The following PDPR variants were observed in gnomAD, a reference collection of about 807,000 sequenced individuals.
The protein encoded by PDPR is pyruvate dehydrogenase phosphatase regulatory subunit, also known as pyruvate dehydrogenase phosphatase regulatory subunit, mitochondrial.
PDPR carries 50 observed loss-of-function variants against 102.2 expected under a neutral mutation model. The observed-to-expected ratio is 0.49, with a 90% confidence interval of 0.39 to 0.62. The LOEUF (loss-of-function observed/expected upper bound fraction) is 0.62. Among genes scored for constraint, PDPR ranks in the 20% least tolerant of loss-of-function variants. PDPR has a pLI of 0.00. For missense variants in PDPR, 625 were observed against 1,098.2 expected (o/e 0.57, Z 6.09); for synonymous variants, 259 against 406.0 (o/e 0.64, Z 4.35).
At chr16:70,117,167 T>TTA (rs949879353) in intron 2 of PDPR, among the ~76,000 whole-genome samples, 1 of 145,690 alleles carries the variant, frequency 6.9e-6, no homozygotes. Flanking sequence ...ATTAAATTAG[T>TTA]TATATATATA....
At chr16:70,134,083 G>C (rs1421693017) in intron 9 of PDPR, among the ~76,000 whole-genome samples, 1 of 152,248 alleles carries the variant, frequency 6.6e-6, no homozygotes, top group East Asian at 1.9e-4. Flanking sequence ...TTAGGTTTTA[G>C]GAGGAGACTT....
intron 3 of PDPR, 76 bp from the exon 4 acceptor site, chr16:70,127,184 A>G (rs1235677579): frequency 5.8e-6 from 9 of 1,549,324 alleles, no homozygotes; most frequent in Non-Finnish European, 7.8e-6. Context: ...TAGAAACAGT[A>G]TTAAATGAGA....
chr16:70,120,382 G>C, intron 2 of PDPR, 79 bp from the exon 3 acceptor site: 1 of 762,256 alleles, frequency 1.3e-6, no homozygotes, highest in Non-Finnish European at 2.2e-6. Context: ...AATGGCTATC[G>C]TTCTTTGTCA....
In PDPR at chr16:70,160,080, C is replaced by T. The variant is rs1265340819; in HGVS notation, c.*3201C>T. ...CTCTTGTCGGTGTATGCCATCTGAACCTAGGAACACAAAGTATATTGGCCT... is the reference window on the plus strand; with the variant it reads ...CTCTTGTCGGTGTATGCCATCTGAATCTAGGAACACAAAGTATATTGGCCT... On this transcript the variant is annotated 3_prime_UTR_variant, in exon 19 of 19. Transcript: ENST00000288050. 1.3e-5 allele frequency: 2 copies of T among 152,618 alleles called. No individual in the cohort carries two copies. Among genetic ancestry groups the T allele is most frequent in the Non-Finnish European group, 2.9e-5 (2 of 68,286 alleles). The allele number at this position is 152,618 out of a possible 1,614,324, so 9.5% of individuals were successfully genotyped here.
chr16:70,123,634 C>CT (rs1240538458), intron 3 of PDPR, among the ~76,000 whole-genome samples: 3 of 152,264 alleles, frequency 2.0e-5, no homozygotes, highest in Non-Finnish European at 4.4e-5. Flanking sequence ...ATAAACTAAT[C>CT]GCAGTGTAAA....
intron 2 of PDPR, among the ~76,000 whole-genome samples, chr16:70,117,462 G>A (rs1369098239): frequency 6.6e-6 from 1 of 151,528 alleles, no homozygotes; most frequent in African/African-American, 2.4e-5. Flanking sequence ...AGCTTGCAGT[G>A]AGCTGAGATC....
intron 8 of PDPR, 75 bp downstream of exon 8, chr16:70,131,494 C>T: frequency 5.1e-6 from 7 of 1,377,284 alleles, no homozygotes; most frequent in Admixed American, 4.0e-5. Context: ...AAACTTTCTG[C>T]TAAGGACAGC....
At chr16:70,145,372 G>C (rs192026162) in intron 15 of PDPR, among the ~76,000 whole-genome samples, 2 of 152,228 alleles carry the variant, frequency 1.3e-5, no homozygotes, top group South Asian at 2.1e-4. Flanking sequence ...TCTTGACCTC[G>C]TGATCCACCT....
rs1305336361 is a variant in PDPR at position 70,160,588 on chromosome 16, T to C, written c.*3709T>C. The C allele has an allele frequency of 6.6e-6, 1 of 152,596 alleles. No homozygotes were observed. The highest frequency in any genetic ancestry group is 2.4e-5 in the African/African-American group (1 of 41,484). 9.5% of individuals were successfully genotyped at this position (152,596 alleles called of 1,614,324 possible). A position where few individuals can be genotyped will look rare whatever the true frequency, so the allele number is the denominator to read the frequency against. On this transcript the variant is annotated 3_prime_UTR_variant, in exon 19 of 19. Transcript: ENST00000288050. Reference sequence around the variant, plus strand: ...GGAGTGGAGCCTGGCCACTCCTGTTTGGTTCTCACTGGGAGGCCCACTGGC... The same window carrying C: ...GGAGTGGAGCCTGGCCACTCCTGTTCGGTTCTCACTGGGAGGCCCACTGGC...
chr16:70,135,993 T>A (rs1965093623), intron 9 of PDPR, among the ~76,000 whole-genome samples: 1 of 149,572 alleles, frequency 6.7e-6, no homozygotes, highest in Non-Finnish European at 1.5e-5. Context: ...AGCTTGAACC[T>A]GGGAGGCAGA....
chr16:70,156,020 GC>G, intron 18 of PDPR, among the ~76,000 whole-genome samples: 1 of 152,304 alleles, frequency 6.6e-6, no homozygotes, highest in East Asian at 1.9e-4. Context: ...CTCCCAAGTA[GC>G]TAGAACTATA....
At chr16:70,144,039 A>G (rs1256352982) in intron 14 of PDPR, among the ~76,000 whole-genome samples, 1 of 152,294 alleles carries the variant, frequency 6.6e-6, no homozygotes, top group East Asian at 1.9e-4. Context: ...CCACAGGTAC[A>G]CGCCACCACA....
intron 9 of PDPR, among the ~76,000 whole-genome samples, chr16:70,133,421 C>CTGTTTTTTTTTTT (rs1964751226): frequency 9.6e-6 from 1 of 103,734 alleles, no homozygotes; most frequent in African/African-American, 4.0e-5. Flanking sequence ...TGCGTCTGGC[C>CTGTTTTTTTTTTT]TTTTTTTTTT....
At position 70,157,702 on chromosome 16, in the gene PDPR, A is replaced by T; in HGVS notation, c.*823A>T. ...TGCTTTTCCCAGTCAAAAGGGTCTG[A>T]CCTTAGAAAGTCCCCACCAGTGATG... On this transcript the variant is annotated 3_prime_UTR_variant, in exon 19 of 19. Coordinates refer to ENST00000288050, the MANE Select transcript of PDPR (RefSeq NM_017990.5). The T allele has an allele frequency of 6.2e-6, 1 of 160,392 alleles. No homozygotes were observed. Among genetic ancestry groups the T allele is most frequent in the East Asian group, 1.9e-4 (1 of 5,390 alleles). The allele number at this position is 160,392 out of a possible 1,614,324, so 9.9% of individuals were successfully genotyped here.
chr16:70,133,630 CTGGTCT>C (rs1319299280), intron 9 of PDPR, among the ~76,000 whole-genome samples: 7 of 152,106 alleles, frequency 4.6e-5, no homozygotes, highest in African/African-American at 9.7e-5. Context: ...GTTGGCCAGG[CTGGTCT>C]TGAAATCCTG....
chr16:70,141,225 T>C (rs541424946), intron 11 of PDPR, among the ~76,000 whole-genome samples: 2 of 152,376 alleles, frequency 1.3e-5, no homozygotes, highest in Non-Finnish European at 2.9e-5. Flanking sequence ...GGCTAATTTA[T>C]GTATTTTTAG....
rs1279053253 is a variant in PDPR at position 70,153,465 on chromosome 16, T to C, written c.2127T>C (p.Ala709=). The C allele has an allele frequency of 5.6e-6, 9 of 1,613,788 alleles. No individual in the cohort carries two copies. Among genetic ancestry groups the C allele is most frequent in the Non-Finnish European group, 6.8e-6 (8 of 1,179,796 alleles). ...GAATCCGGAATGCTGGGTATTACGC[T>C]CTTCGCAGTCTCCGAATTGAGAAGT... ...KYGIRNAGYY[A]LRSLRIEKFF... The change falls in exon 18 of 19, where the codon GCT becomes GCC. Residue 709 remains alanine (A), a synonymous_variant. Coordinates refer to ENST00000288050, the MANE Select transcript of PDPR (RefSeq NM_017990.5).
chr16:70,149,454 C>T (rs555906930), intron 17 of PDPR, among the ~76,000 whole-genome samples: 18 of 152,220 alleles, frequency 1.2e-4, no homozygotes, highest in Admixed American at 4.6e-4. Flanking sequence ...TTAGTACAGA[C>T]GGGGCTTCAC....
intron 2 of PDPR, among the ~76,000 whole-genome samples, chr16:70,116,772 C>T (rs1227768909): frequency 2.0e-5 from 3 of 152,158 alleles, no homozygotes; most frequent in Non-Finnish European, 2.9e-5. Context: ...CAACTTCCGA[C>T]CTCAAATGAT....
Sources: gnomAD v4.1 joint callset for allele counts (sites outside exome capture counted in the v4.1 genomes callset) on GRCh38, gnomAD v4.1.1 for gene constraint, MANE v1.5 for transcripts, NCBI Gene and HGNC (gene_info 2026-07-23, HGNC 2026-07-21) for gene names.